The following PLEKHA6 variants were observed in gnomAD, a reference collection of about 807,000 sequenced individuals.
PLEKHA6 encodes pleckstrin homology domain-containing family A member 6.
PLEKHA6 carries 60 observed loss-of-function variants against 116.7 expected under a neutral mutation model. The observed-to-expected ratio is 0.51, with a 90% confidence interval of 0.42 to 0.64. The LOEUF (loss-of-function observed/expected upper bound fraction) is 0.64, where lower values mean the gene tolerates loss of function less well. Ranked by LOEUF, PLEKHA6 falls within the 30% of genes least tolerant of loss-of-function variation. PLEKHA6 has a pLI of 0.00. For synonymous variants in PLEKHA6, 489 were observed against 556.1 expected (o/e 0.88, Z 1.70); for missense variants, 1,338 against 1,422.7 (o/e 0.94, Z 0.96).
intron 1 of PLEKHA6, chr1:204,282,752 G>A: frequency 3.0e-6 from 3 of 985,292 alleles, no homozygotes; most frequent in Non-Finnish European, 3.6e-6. Context: ...TTGGAGAACT[G>A]GGGCAATCCA....
At chr1:204,249,358 G>T in intron 10 of PLEKHA6, 94 bp from the exon 11 acceptor site, 1 of 902,904 alleles carries the variant, frequency 1.1e-6, no homozygotes. Flanking sequence ...CTGGCCTCTG[G>T]ATACCCCCCT....
chr1:204,359,003 G>A (rs1383443506), intron 1 of PLEKHA6, among the ~76,000 whole-genome samples: 1 of 147,014 alleles, frequency 6.8e-6, no homozygotes, highest in Non-Finnish European at 1.5e-5. Flanking sequence ...CCTTTCCTCA[G>A]ACTCCTCACA....
At chr1:204,329,888 C>CAA (rs35574473) in intron 1 of PLEKHA6, among the ~76,000 whole-genome samples, 292 of 118,424 alleles carry the variant, frequency 2.5e-3, no homozygotes, top group Non-Finnish European at 4.2e-3. Context: ...GACCCTGTCT[C>CAA]AAAAAAAAAA....
At chr1:204,349,281 A>G (rs111410381) in intron 1 of PLEKHA6, among the ~76,000 whole-genome samples, 3,887 of 152,244 alleles carry the variant, frequency 0.026, 80 homozygotes, top group Non-Finnish European at 0.041. Flanking sequence ...GCTCACGCCT[A>G]TAATCCCAGC....
chr1:204,261,409 C>T lies in PLEKHA6; in HGVS notation c.421G>A (p.Glu141Lys), dbSNP rs1224188589. 3 of 1,613,736 alleles carry T rather than the reference C, an allele frequency of 1.9e-6. No homozygotes were observed. The highest frequency in any genetic ancestry group is 1.3e-5 in the African/African-American group (1 of 74,900). The stretch of plus-strand genomic sequence containing the variant: ...CAGGCCTCTTGCTCCTCGGGGCTCT[C>T]GGCACTGAAGAAGTAGGTGCGGACC... ...AGVRTYFFSA[E>K]SPEEQEAWIQ... Residue 141 changes from glutamate (E) to lysine (K), a missense_variant, in exon 7 of 23, where the codon GAG (glutamate) becomes AAG (lysine). By Grantham distance (56) the Glu-to-Lys change is moderately conservative (BLOSUM62 1). Coordinates refer to ENST00000272203, the MANE Select transcript of PLEKHA6 (RefSeq NM_014935.5). This position sits in a 1 kb window ranked among gnomAD's most constrained non-coding sequence, Gnocchi z 4.0.
intron 1 of PLEKHA6, among the ~76,000 whole-genome samples, chr1:204,308,512 C>T (rs948866773): frequency 1.3e-5 from 2 of 151,856 alleles, no homozygotes; most frequent in African/African-American, 4.8e-5. Context: ...ATCACTTAAC[C>T]TCTCTGAGCT....
intron 1 of PLEKHA6, among the ~76,000 whole-genome samples, chr1:204,292,385 G>A (rs1261735657): frequency 2.6e-5 from 4 of 152,170 alleles, no homozygotes; most frequent in Admixed American, 6.5e-5. Flanking sequence ...GGCTAACCTC[G>A]GGGTCTGTTA....
chr1:204,357,495 A>G (rs1302803756), intron 1 of PLEKHA6, among the ~76,000 whole-genome samples: 1 of 152,198 alleles, frequency 6.6e-6, no homozygotes, highest in Non-Finnish European at 1.5e-5. Flanking sequence ...ATGTGCTTTA[A>G]GTGTTTGGAG....
chr1:204,377,121 G>A (rs1023717452), intron 1 of PLEKHA6, among the ~76,000 whole-genome samples: 2 of 152,308 alleles, frequency 1.3e-5, no homozygotes, highest in African/African-American at 2.4e-5. Context: ...GGCACGCTGA[G>A]TCTGGGGCGA....
At chr1:204,268,885 C>T (rs1031363524) in intron 3 of PLEKHA6, among the ~76,000 whole-genome samples, 6 of 152,210 alleles carry the variant, frequency 3.9e-5, no homozygotes, top group Non-Finnish European at 5.9e-5. Context: ...CTTCTCATCA[C>T]TGTCCGCTTC....
chr1:204,232,673 G>A (rs1661359658), intron 17 of PLEKHA6, among the ~76,000 whole-genome samples: 1 of 152,200 alleles, frequency 6.6e-6, no homozygotes, highest in Non-Finnish European at 1.5e-5. Context: ...GGCTAATAGA[G>A]CTACTTAACT....
At position 204,261,666 on chromosome 1, in the gene PLEKHA6, C is replaced by G. The variant is rs1666135542; in HGVS notation, c.382-218G>C. 6.6e-6 allele frequency among the ~76,000 whole-genome samples: 1 copy of G among 152,228 alleles called. No individual in the cohort carries two copies. The highest frequency in any genetic ancestry group is 2.4e-5 in the African/African-American group (1 of 41,470). On this transcript the variant is annotated intron_variant, in intron 6 of 22. Coordinates refer to ENST00000272203, the MANE Select transcript of PLEKHA6 (RefSeq NM_014935.5). The surrounding 1 kb of genome is among the most constrained non-coding windows in gnomAD (Gnocchi z 4.0). Reference sequence around the variant, plus strand: ...GCTGGTACCCACGTATCCACCTTGGCTGGCTCTCTGGGCACCATTAGGCAG... The same window carrying G: ...GCTGGTACCCACGTATCCACCTTGGGTGGCTCTCTGGGCACCATTAGGCAG...
upstream of PLEKHA6, among the ~76,000 whole-genome samples, chr1:204,363,735 T>G (rs1673602604): frequency 6.6e-6 from 1 of 151,986 alleles, no homozygotes; most frequent in African/African-American, 2.4e-5. Flanking sequence ...TGGCAGGGGA[T>G]GGGAAAGGTG....
chr1:204,269,943 C>G (rs992488489), intron 3 of PLEKHA6, among the ~76,000 whole-genome samples: 4 of 152,204 alleles, frequency 2.6e-5, no homozygotes, highest in African/African-American at 9.6e-5. Flanking sequence ...TCAATACACC[C>G]AATGTCCACT....
At chr1:204,245,105 G>A in intron 14 of PLEKHA6, 102 bp from the exon 15 acceptor site, 1 of 790,496 alleles carries the variant, frequency 1.3e-6, no homozygotes, top group African/African-American at 1.8e-5. Context: ...CCAGATCCAG[G>A]GATGTGGAAG....
At chr1:204,372,777 AC>A (rs1404095435) in intron 1 of PLEKHA6, among the ~76,000 whole-genome samples, 2 of 148,440 alleles carry the variant, frequency 1.3e-5, no homozygotes, top group African/African-American at 5.0e-5. Flanking sequence ...TTCTATCCTC[AC>A]CCCTCTCCCC....
At chr1:204,279,738 T>C (rs1316630985) in intron 1 of PLEKHA6, among the ~76,000 whole-genome samples, 2 of 152,178 alleles carry the variant, frequency 1.3e-5, no homozygotes, top group African/African-American at 4.8e-5. Context: ...GAAACAAACA[T>C]GGCAGGACCA....
chr1:204,259,327 C>A lies in PLEKHA6; in HGVS notation c.938G>T (p.Ser313Ile). The A allele has an allele frequency of 1.2e-6, 2 of 1,614,258 alleles. No homozygotes were observed. The highest frequency in any genetic ancestry group is 1.7e-6 in the Non-Finnish European group (2 of 1,180,048). The stretch of plus-strand genomic sequence containing the variant: ...CCACTGCTGAAGCTGGTTCATGGAG[C>A]TCTTGCGCTGGGCAATTTTGTCAGG... The part of the protein sequence containing the change: ...TNPDKIAQRK[S>I]SMNQLQQWVN... The change falls in exon 8 of 23, where the codon AGC becomes ATC. Residue 313 changes from serine (S) to isoleucine (I), a missense_variant. Around this residue, in one of 3 missense-constraint regions of PLEKHA6, gnomAD observed 1,136 missense variants for 1,163.6 expected, o/e 0.98. Transcript: ENST00000272203. The surrounding 1 kb of genome is among the most constrained non-coding windows in gnomAD (Gnocchi z 4.6).
intron 15 of PLEKHA6, among the ~76,000 whole-genome samples, chr1:204,243,870 A>C (rs540414913): frequency 6.6e-6 from 1 of 152,088 alleles, no homozygotes; most frequent in Admixed American, 6.6e-5. Flanking sequence ...ACCCAGGCTG[A>C]AGTGCAGTGG....
Sources: allele counts gnomAD v4.1 joint callset (sites outside exome capture counted in the v4.1 genomes callset), GRCh38; gene constraint gnomAD v4.1.1; regional missense constraint gnomAD v4.1.1; non-coding constraint Gnocchi (gnomAD v3.1); transcripts MANE v1.5; gene names NCBI Gene and HGNC (gene_info 2026-07-23, HGNC 2026-07-21).